The following ENOX1 variants were observed in gnomAD, a reference collection of about 807,000 sequenced individuals.
ENOX1 encodes the protein ecto-NOX disulfide-thiol exchanger 1, also known as candidate growth-related and time keeping constitutive hydroquinone (NADH) oxidase.
ENOX1 carries 42 observed loss-of-function variants against 82.5 expected under a neutral mutation model. The observed-to-expected ratio is 0.51, with a 90% confidence interval of 0.40 to 0.66. The LOEUF is 0.66. ENOX1 is among the 30% of genes least tolerant of loss of function. The pLI is 0.00. For synonymous variants in ENOX1, 271 were observed against 282.2 expected, an observed-to-expected ratio of 0.96 and a Z score of 0.40; for missense variants, 608 against 811.6, an observed-to-expected ratio of 0.75 and a Z score of 3.05.
At chr13:43,328,476 TA>T (rs1441523663) in intron 9 of ENOX1, among the ~76,000 whole-genome samples, 37 of 152,092 alleles carry the variant, frequency 2.4e-4, no homozygotes, top group Non-Finnish European at 4.7e-4. Context: ...GAAAGGACAA[TA>T]TGGGTTGAGA....
chr13:43,293,087 T>C (rs2046093791), intron 12 of ENOX1, among the ~76,000 whole-genome samples: 1 of 151,462 alleles, frequency 6.6e-6, no homozygotes, highest in African/African-American at 2.4e-5. Flanking sequence ...ATCCTCACCA[T>C]GGCTGCCTTC....
chr13:43,722,727 TA>T (rs150881985), intron 1 of ENOX1, among the ~76,000 whole-genome samples: 62 of 147,828 alleles, frequency 4.2e-4, no homozygotes, highest in East Asian at 1.4e-3. Context: ...ACTCTAAAGG[TA>T]AAAAAAAAAT....
Position 43,683,293 on chromosome 13 carries a change from A to G in ENOX1, c.-284-15749T>C, listed in dbSNP as rs185953168. Among the ~76,000 whole-genome samples, 30 of 152,192 alleles carry G rather than the reference A, an allele frequency of 2.0e-4. No individual in the cohort carries two copies. The East Asian group carries it at 3.9e-3, about 20-fold the overall frequency. ...TTGCCTTTCGATATCCCATGACAAG[A>G]GAGGTAGGGGTTGGGAAGGAAATGG... On this transcript the variant is annotated intron_variant, in intron 1 of 16. Coordinates refer to ENST00000690772, the MANE Select transcript of ENOX1 (RefSeq NM_001347969.2).
At chr13:43,643,613 A>ATATG (rs2083756444) in intron 2 of ENOX1, among the ~76,000 whole-genome samples, 1 of 150,520 alleles carries the variant, frequency 6.6e-6, no homozygotes, top group Non-Finnish European at 1.5e-5. Context: ...ATGTGCATGT[A>ATATG]TATGTATGTA....
At chr13:43,418,980 C>T (rs1212801664) in intron 3 of ENOX1, among the ~76,000 whole-genome samples, 1 of 152,072 alleles carries the variant, frequency 6.6e-6, no homozygotes, top group African/African-American at 2.4e-5. Flanking sequence ...GAATTTGAGA[C>T]CAGCCTGGCC....
At chr13:43,520,887 C>T (rs544295875) in intron 2 of ENOX1, among the ~76,000 whole-genome samples, 15 of 152,244 alleles carry the variant, frequency 9.9e-5, no homozygotes, top group Admixed American at 9.8e-4. Flanking sequence ...TGGTCACCCA[C>T]CATATCCAAA....
At chr13:43,227,713 T>C (rs879604921) in intron 15 of ENOX1, among the ~76,000 whole-genome samples, 14 of 152,166 alleles carry the variant, frequency 9.2e-5, no homozygotes, top group Non-Finnish European at 1.8e-4. Flanking sequence ...AGTGTTCTTT[T>C]AGGAGGGTAT....
chr13:43,365,297 A>G (rs753233183), intron 5 of ENOX1, among the ~76,000 whole-genome samples: 16 of 152,210 alleles, frequency 1.1e-4, no homozygotes, highest in Non-Finnish European at 2.2e-4. Flanking sequence ...GTGGGCAGGG[A>G]GGAGGGACAG....
At position 43,223,949 on chromosome 13, in the gene ENOX1, T is replaced by A; in HGVS notation, c.1800+104A>T. The A allele has an allele frequency of 2.5e-6, 2 of 803,040 alleles. 1 individual carries two copies. Among genetic ancestry groups the A allele is most frequent in the Non-Finnish European group, 4.2e-6 (2 of 477,670 alleles). The allele number at this position is 803,040 out of a possible 1,614,324, so 49.7% of individuals were successfully genotyped here. A position where few individuals can be genotyped will look rare whatever the true frequency, so the allele number is the denominator to read the frequency against. On this transcript the variant is annotated intron_variant, in intron 16 of 16. Transcript: ENST00000690772. ...AAAGAGAAGGGCTGATCAACCCCCA[T>A]AGGCTGCTACAGCCCTAGTTCAGTT...
intron 14 of ENOX1, among the ~76,000 whole-genome samples, chr13:43,261,959 T>G (rs2044092012): frequency 1.3e-5 from 2 of 151,338 alleles, no homozygotes; most frequent in South Asian, 4.2e-4. Flanking sequence ...CTGCACAATG[T>G]GCACATGTAC....
chr13:43,723,060 A>C (rs1051585003), intron 1 of ENOX1, among the ~76,000 whole-genome samples: 1 of 152,204 alleles, frequency 6.6e-6, no homozygotes, highest in Non-Finnish European at 1.5e-5. Flanking sequence ...AACTGTCCCC[A>C]CACCTTAAGA....
At chr13:43,415,259 TAGTATTTA>T (rs2054389702) in intron 3 of ENOX1, among the ~76,000 whole-genome samples, 2 of 136,514 alleles carry the variant, frequency 1.5e-5, no homozygotes, top group African/African-American at 5.5e-5. Context: ...TTTTTTTTTT[TAGTATTTA>T]TTGATCATTC....
At chr13:43,671,379 G>C (rs1040285494) in intron 1 of ENOX1, among the ~76,000 whole-genome samples, 1 of 152,146 alleles carries the variant, frequency 6.6e-6, no homozygotes, top group Admixed American at 6.5e-5. Context: ...ATGAAAAGAG[G>C]TGCTGCTTTG....
intron 2 of ENOX1, among the ~76,000 whole-genome samples, chr13:43,566,405 GATCA>G (rs1262994344): frequency 1.3e-5 from 2 of 151,914 alleles, no homozygotes; most frequent in African/African-American, 4.8e-5. Flanking sequence ...TCAATGCATA[GATCA>G]ATGAATTTTA....
intron 1 of ENOX1, among the ~76,000 whole-genome samples, chr13:43,785,133 C>A (rs1389591009): frequency 2.6e-5 from 4 of 152,200 alleles, no homozygotes; most frequent in Admixed American, 1.3e-4. Flanking sequence ...CTGGAATGAG[C>A]AATATCCATT....
chr13:43,720,332 C>T (rs988946786), intron 1 of ENOX1, among the ~76,000 whole-genome samples: 1 of 152,208 alleles, frequency 6.6e-6, no homozygotes, highest in Non-Finnish European at 1.5e-5. Flanking sequence ...CTCTCAGTGA[C>T]TTCGCACAAG....
At chr13:43,762,456 T>C (rs1027180295) in intron 1 of ENOX1, among the ~76,000 whole-genome samples, 1 of 152,256 alleles carries the variant, frequency 6.6e-6, no homozygotes, top group African/African-American at 2.4e-5. Context: ...TATAGTTAAC[T>C]ATGAGATAAA....
At chr13:43,300,733 T>G (rs146602916) in intron 11 of ENOX1, among the ~76,000 whole-genome samples, 1 of 152,138 alleles carries the variant, frequency 6.6e-6, no homozygotes, top group African/African-American at 2.4e-5. Context: ...TGGAAGGACA[T>G]GATGAAATTG....
chr13:43,313,688 A>G (rs1030496418), intron 11 of ENOX1, among the ~76,000 whole-genome samples: 1 of 152,238 alleles, frequency 6.6e-6, no homozygotes, highest in Non-Finnish European at 1.5e-5. Context: ...AATTGTGAAT[A>G]TAACACATAC....
Sources: gnomAD v4.1 joint callset for allele counts (sites outside exome capture counted in the v4.1 genomes callset) on GRCh38, gnomAD v4.1.1 for gene constraint, MANE v1.5 for transcripts, NCBI Gene and HGNC (gene_info 2026-07-23, HGNC 2026-07-21) for gene names.